ATXN3: variants seen among roughly 807,000 people sequenced by gnomAD.
The protein encoded by ATXN3 is ataxin-3.
In ATXN3, 28 loss-of-function variants were observed where a neutral mutation model predicts 58.2. The observed-to-expected ratio is 0.48, with a 90% CI of 0.36 to 0.66. The LOEUF (loss-of-function observed/expected upper bound fraction) is 0.66. ATXN3 is among the 30% of genes least tolerant of loss of function. ATXN3 has a pLI of 0.00. For missense variants in ATXN3, 321 were observed against 422.1 expected (o/e 0.76, Z 2.10); for synonymous variants, 113 against 138.5 (o/e 0.82, Z 1.29).
chr14:92,086,426 A>G (rs8005824), intron 6 of ATXN3, among the ~76,000 whole-genome samples: 42,660 of 151,298 alleles, frequency 0.28, 6,364 homozygotes, highest in East Asian at 0.44. Context: ...TTAGCCAGGC[A>G]TGGTGGCACA....
At chr14:92,076,484 T>C (rs1303249425) in intron 9 of ATXN3, among the ~76,000 whole-genome samples, 1 of 151,536 alleles carries the variant, frequency 6.6e-6, no homozygotes, top group Non-Finnish European at 1.5e-5. Context: ...GCTCAATTTG[T>C]TGGAAGTTTC....
At chr14:92,097,130 T>A (rs144972902) in intron 1 of ATXN3, among the ~76,000 whole-genome samples, 13 of 152,060 alleles carry the variant, frequency 8.5e-5, no homozygotes, top group Non-Finnish European at 1.5e-4. Flanking sequence ...AGGATGGTCT[T>A]GATCTCCTGA....
At chr14:92,101,731 G>A (rs978957218) in intron 1 of ATXN3, among the ~76,000 whole-genome samples, 1 of 152,114 alleles carries the variant, frequency 6.6e-6, no homozygotes, top group Non-Finnish European at 1.5e-5. Context: ...GGTGGCAGGC[G>A]CCTGTAGTCC....
At chr14:92,089,250 C>G (rs182317909) in intron 5 of ATXN3, among the ~76,000 whole-genome samples, 15 of 151,302 alleles carry the variant, frequency 9.9e-5, no homozygotes, top group Non-Finnish European at 2.2e-4. Context: ...AACTCCTGAC[C>G]TCAAATGATC....
intron 6 of ATXN3, among the ~76,000 whole-genome samples, chr14:92,083,795 T>C (rs1303919011): frequency 6.6e-6 from 1 of 152,186 alleles, no homozygotes. Context: ...GAGATTAACA[T>C]TTAAGCCAGT....
At chr14:92,095,978 A>G (rs1275648607) in intron 3 of ATXN3, 115 bp downstream of exon 3, 3 of 881,258 alleles carry the variant, frequency 3.4e-6, no homozygotes, top group East Asian at 2.4e-5. Context: ...AGTATAATCT[A>G]TACTCTGTAG....
rs907851411 is a variant in ATXN3, at chr14:92,064,306, A to G, written c.*14T>C. 1 of 1,553,840 alleles carries G rather than the reference A, an allele frequency of 6.4e-7. No individual in the cohort carries two copies. Among genetic ancestry groups the G allele is most frequent in the African/African-American group, 1.4e-5 (1 of 73,506 alleles). On this transcript the variant is annotated 3_prime_UTR_variant, in exon 11 of 11. Transcript: ENST00000644486. ...GTTGGAAAGTATGAATATCTAAATT[A>G]TTTTTTAAAGGTATTATTTTTTTCC...
intron 1 of ATXN3, among the ~76,000 whole-genome samples, chr14:92,098,757 G>A (rs1175297932): frequency 6.6e-6 from 1 of 152,152 alleles, no homozygotes; most frequent in Non-Finnish European, 1.5e-5. Context: ...ACAGTGTAAA[G>A]CAATGAGCAG....
In ATXN3 at chr14:92,083,154, C is replaced by T. The variant is rs1166731518; in HGVS notation, c.580G>A (p.Glu194Lys). Residue 194 changes from glutamate (E) to lysine (K), a missense_variant, in exon 7 of 11, where the codon GAA (glutamate) becomes AAA (lysine). Physicochemically the swap from Glu to Lys is moderately conservative, Grantham distance 56. Transcript: ENST00000644486. ...QQMHRPKLIG[E>K]ELAQLKEQRV... ...TGCTCTTTTAGTTGTGCTAATTCTT[C>T]TCCAATAAGTTTTGGTCGATGCATC... 3 of 1,612,818 alleles carry T rather than the reference C, an allele frequency of 1.9e-6. No individual in the cohort carries two copies. The highest frequency in any genetic ancestry group is 2.5e-6 in the Non-Finnish European group (3 of 1,179,732).
chr14:92,080,824 C>T, intron 9 of ATXN3, 141 bp downstream of exon 9: 2 of 754,474 alleles, frequency 2.7e-6, no homozygotes, highest in Non-Finnish European at 4.5e-6. Context: ...GCGTAAGCCA[C>T]CGTGCCCGTC....
intron 6 of ATXN3, among the ~76,000 whole-genome samples, chr14:92,084,348 A>C (rs558170654): frequency 6.6e-6 from 1 of 152,206 alleles, no homozygotes; most frequent in African/African-American, 2.4e-5. Context: ...CCACACATGT[A>C]CACCCCTTGT....
chr14:92,090,053 A>T (rs2063442133), intron 5 of ATXN3, among the ~76,000 whole-genome samples: 1 of 152,148 alleles, frequency 6.6e-6, no homozygotes, highest in Admixed American at 6.6e-5. Flanking sequence ...GCTGTAACAT[A>T]GTGAGACCCT....
intron 1 of ATXN3, among the ~76,000 whole-genome samples, chr14:92,098,291 T>TAA (rs1236139557): frequency 6.6e-6 from 1 of 152,148 alleles, no homozygotes; most frequent in African/African-American, 2.4e-5. Context: ...TTTATTCTTT[T>TAA]AACATGATGA....
intron 5 of ATXN3, 118 bp from the exon 6 acceptor site, chr14:92,088,935 T>C: frequency 1.6e-6 from 1 of 642,880 alleles, no homozygotes; most frequent in South Asian, 2.0e-5. Context: ...ACTCTGGAAA[T>C]ATTTCAAGTT....
intron 9 of ATXN3, among the ~76,000 whole-genome samples, chr14:92,072,795 A>G (rs1482642349): frequency 6.6e-6 from 1 of 151,526 alleles, no homozygotes; most frequent in African/African-American, 2.4e-5. Context: ...AGGAACAAGG[A>G]TTTTTAAATT....
intron 2 of ATXN3, 68 bp downstream of exon 2, chr14:92,096,606 A>C: frequency 6.8e-7 from 1 of 1,473,720 alleles, no homozygotes; most frequent in Non-Finnish European, 9.2e-7. Context: ...CATGGGCAAC[A>C]GGGCGAGACT....
chr14:92,093,674 T>C lies in ATXN3; in HGVS notation c.320+72A>G, dbSNP rs1309573518. ...AAAAGTATTCAAAATGTATTTCTCT[T>C]CTTTAAGAAATTACAACTTTAAAAA... On this transcript the variant is annotated intron_variant, in intron 4 of 10. Transcript: ENST00000644486. 2.6e-6 allele frequency: 3 copies of C among 1,164,630 alleles called. No homozygotes were observed. The East Asian group carries it at 7.1e-5, about 27-fold the overall frequency. 72.1% of individuals were successfully genotyped at this position (1,164,630 alleles called of 1,614,324 possible).
intron 5 of ATXN3, among the ~76,000 whole-genome samples, chr14:92,093,041 T>TA (rs960988915): frequency 1.8e-4 from 27 of 146,104 alleles, no homozygotes; most frequent in African/African-American, 6.1e-4. Flanking sequence ...TTGTTTTTTT[T>TA]TTTATTTATT....
upstream of ATXN3, among the ~76,000 whole-genome samples, chr14:92,053,480 TTTTC>T (rs549448644): frequency 2.4e-3 from 369 of 151,344 alleles, no homozygotes; most frequent in African/African-American, 5.6e-3. Flanking sequence ...CTCCTTTTTT[TTTTC>T]TTTCTTTCTT....
Sources: allele counts gnomAD v4.1 joint callset (sites outside exome capture counted in the v4.1 genomes callset), GRCh38; gene constraint gnomAD v4.1.1; transcripts MANE v1.5; gene names NCBI Gene and HGNC (gene_info 2026-07-23, HGNC 2026-07-21).